The following ADAMTS19 variants were observed in gnomAD, a reference collection of about 807,000 sequenced individuals.
ADAMTS19 encodes ADAM metallopeptidase with thrombospondin type 1 motif 19.
Under a neutral mutation model 153.3 loss-of-function variants are expected in ADAMTS19, and 93 were observed. The observed-to-expected ratio is 0.61, with a 90% CI of 0.51 to 0.72. ADAMTS19 has a LOEUF of 0.72. Among genes scored for constraint, ADAMTS19 ranks in the 30% least tolerant of loss-of-function variants. ADAMTS19 has a pLI of 0.00. For synonymous variants in ADAMTS19, 600 were observed against 556.6 expected (o/e 1.08, Z -1.10); for missense variants, 1,482 against 1,552.1 (o/e 0.95, Z 0.76).
chr5:129,522,617 A>G (rs1049089687), intron 3 of ADAMTS19, among the ~76,000 whole-genome samples: 3 of 152,022 alleles, frequency 2.0e-5, no homozygotes, highest in Non-Finnish European at 2.9e-5. Flanking sequence ...CATCATTGCT[A>G]GAAAAAATGA....
intron 6 of ADAMTS19, among the ~76,000 whole-genome samples, chr5:129,542,519 T>G (rs1288112985): frequency 1.3e-5 from 2 of 152,196 alleles, no homozygotes; most frequent in Admixed American, 1.3e-4. Context: ...CAGCCTTGTC[T>G]TGCCCAGACT....
chr5:129,534,733 G>C (rs1752350411), intron 6 of ADAMTS19, among the ~76,000 whole-genome samples: 1 of 152,194 alleles, frequency 6.6e-6, no homozygotes, highest in African/African-American at 2.4e-5. Flanking sequence ...CCATGATCAA[G>C]TGGGCTTCAT....
chr5:129,674,141 G>T (rs895201555), intron 16 of ADAMTS19, among the ~76,000 whole-genome samples: 1 of 151,920 alleles, frequency 6.6e-6, no homozygotes, highest in African/African-American at 2.4e-5. Context: ...TGAGACAGGA[G>T]AATCACTTGA....
intron 6 of ADAMTS19, among the ~76,000 whole-genome samples, chr5:129,538,359 GT>G (rs1752534304): frequency 6.6e-6 from 1 of 151,976 alleles, no homozygotes. Context: ...CTACATACAA[GT>G]TTTGTTTCTC....
chr5:129,715,012 C>A (rs1214941920), intron 21 of ADAMTS19, among the ~76,000 whole-genome samples: 1 of 152,054 alleles, frequency 6.6e-6, no homozygotes, highest in Non-Finnish European at 1.5e-5. Flanking sequence ...AAGAAAATTT[C>A]TCCAAGACCT....
rs1303953181 is a variant in ADAMTS19 at position 129,654,353 on chromosome 5, ATTC to A, written c.2229_2231del (p.Leu744del). ...CTCTCCTGTTGGAAAAGAACAGCCTATTCTTCTATCAGAAAAAGTGATGGATGG... is the reference window on the plus strand; with the variant it reads ...CTCTCCTGTTGGAAAAGAACAGCCTATTCTATCAGAAAAAGTGATGGATGG... On this transcript the variant is annotated inframe_deletion, in exon 14 of 23. Coordinates refer to ENST00000274487, the MANE Select transcript of ADAMTS19 (RefSeq NM_133638.6). The A allele has an allele frequency of 6.2e-7, 1 of 1,612,982 alleles. No homozygotes were observed. The highest frequency in any genetic ancestry group is 8.5e-7 in the Non-Finnish European group (1 of 1,179,646).
intron 8 of ADAMTS19, among the ~76,000 whole-genome samples, chr5:129,613,574 G>A (rs1751344166): frequency 6.6e-6 from 1 of 151,974 alleles, no homozygotes; most frequent in Admixed American, 6.6e-5. Flanking sequence ...ATACCCACAA[G>A]AGAAAGCAGG....
At chr5:129,517,936 T>C (rs1022086752) in intron 3 of ADAMTS19, among the ~76,000 whole-genome samples, 4 of 152,076 alleles carry the variant, frequency 2.6e-5, no homozygotes, top group Admixed American at 1.3e-4. Flanking sequence ...TTTCTTGCTT[T>C]TTATTCTCTA....
At chr5:129,549,559 A>C (rs942697234) in intron 6 of ADAMTS19, among the ~76,000 whole-genome samples, 11 of 151,738 alleles carry the variant, frequency 7.2e-5, no homozygotes, top group African/African-American at 2.7e-4. Context: ...TGAGATAAAC[A>C]AATCAAAAAT....
chr5:129,642,841 T>G (rs3853512), intron 11 of ADAMTS19, among the ~76,000 whole-genome samples: 9,213 of 127,114 alleles, frequency 0.072, 408 homozygotes, highest in Non-Finnish European at 0.092. Flanking sequence ...TGGACAGAAA[T>G]GAAGCTATTA....
intron 7 of ADAMTS19, among the ~76,000 whole-genome samples, chr5:129,575,875 T>C (rs1196688254): frequency 1.3e-5 from 2 of 152,036 alleles, no homozygotes; most frequent in African/African-American, 4.8e-5. Context: ...GATTTGAGGG[T>C]TTATCTTCTA....
At chr5:129,645,266 G>A (rs1157238025) in intron 11 of ADAMTS19, among the ~76,000 whole-genome samples, 1 of 152,054 alleles carries the variant, frequency 6.6e-6, no homozygotes, top group Admixed American at 6.6e-5. Flanking sequence ...AAATGCAAAC[G>A]TTGTATGAAA....
At chr5:129,561,175 GTTTTA>G (rs1485930629) in intron 7 of ADAMTS19, among the ~76,000 whole-genome samples, 1 of 152,084 alleles carries the variant, frequency 6.6e-6, no homozygotes, top group Non-Finnish European at 1.5e-5. Flanking sequence ...CCATGGCTTT[GTTTTA>G]TATTTTTGAG....
At chr5:129,679,977 T>G in intron 17 of ADAMTS19, 56 bp downstream of exon 17, 1 of 1,467,510 alleles carries the variant, frequency 6.8e-7, no homozygotes, top group Non-Finnish European at 9.2e-7. Context: ...GCAAGGAATA[T>G]TCCCAGTGCA....
intron 18 of ADAMTS19, among the ~76,000 whole-genome samples, chr5:129,687,559 AT>A (rs983477230): frequency 6.6e-6 from 1 of 152,186 alleles, no homozygotes; most frequent in South Asian, 2.1e-4. Context: ...TTGACTATAA[AT>A]TTTTTTTGTT....
At position 129,465,330 on chromosome 5, in the gene ADAMTS19, A is replaced by C. The variant is rs1749818690; in HGVS notation, c.747+3573A>C. ...TGTTTTTTTTTTTTTTTTTCTAAAA[A>C]CATGCTTATAAGCGCTGGGCCAAAA... On this transcript the variant is annotated intron_variant, in intron 2 of 22. Transcript: ENST00000274487. Among the ~76,000 whole-genome samples the C allele has an allele frequency of 2.0e-5, 3 of 151,110 alleles. No individual in the cohort carries two copies. The South Asian group carries it at 6.3e-4, about 32-fold the overall frequency.
At chr5:129,669,166 G>A (rs246439) in intron 16 of ADAMTS19, among the ~76,000 whole-genome samples, 142,863 of 152,074 alleles carry the variant, frequency 0.94, 67,231 homozygotes, top group East Asian at 1. Context: ...CTTTTTCTCC[G>A]GTGGTGCTGG....
In ADAMTS19 at chr5:129,711,399, G is replaced by A. The variant is rs1226147490; in HGVS notation, c.3312+7008G>A. Among the ~76,000 whole-genome samples, 3 of 152,008 alleles carry A rather than the reference G, an allele frequency of 2.0e-5. No individual in the cohort carries two copies. In the East Asian group the frequency reaches 5.8e-4, roughly 29 times the overall value. On this transcript the variant is annotated intron_variant, in intron 21 of 22. Transcript: ENST00000274487. ...ATATTAATCTGACAATTCTTGACTG[G>A]GCACGGTGGCTCACGCCTGTAATCC...
intron 8 of ADAMTS19, among the ~76,000 whole-genome samples, chr5:129,617,263 A>G (rs1751574031): frequency 6.6e-6 from 1 of 152,042 alleles, no homozygotes; most frequent in Non-Finnish European, 1.5e-5. Flanking sequence ...AAATTTAACT[A>G]CTGGTAAACA....
Sources: allele counts gnomAD v4.1 joint callset (sites outside exome capture counted in the v4.1 genomes callset), GRCh38; gene constraint gnomAD v4.1.1; transcripts MANE v1.5; gene names NCBI Gene and HGNC (gene_info 2026-07-23, HGNC 2026-07-21).